CYP2A7: variants seen among roughly 807,000 people sequenced by gnomAD.
The protein encoded by CYP2A7 is cytochrome P450 family 2 subfamily A member 7.
In CYP2A7, 36 loss-of-function variants were observed where a neutral mutation model predicts 42.0. The ratio of observed to expected loss-of-function variants is 0.86; its 90% confidence interval spans 0.66 to 1.13. The LOEUF (loss-of-function observed/expected upper bound fraction) is 1.13. Ranked by LOEUF, CYP2A7 falls within the 50% of genes most tolerant of loss-of-function variation. The probability of loss-of-function intolerance (pLI) is 0.00; values close to 1 mark genes in which losing one functional copy is unlikely to be tolerated. For missense variants in CYP2A7, 661 were observed against 634.1 expected (o/e 1.04, Z -0.46); for synonymous variants, 260 against 249.5 (o/e 1.04, Z -0.40).
chr19:40,880,431 C>T, intron 3 of CYP2A7, 48 bp downstream of exon 3: 2 of 1,598,244 alleles, frequency 1.3e-6, no homozygotes, highest in Non-Finnish European at 1.7e-6. Context: ...GTTCCTCGTC[C>T]TGGGTGTTTT....
intron 3 of CYP2A7, 52 bp downstream of exon 3, chr19:40,880,427 C>T (rs1967629655): frequency 6.3e-7 from 1 of 1,592,168 alleles, no homozygotes; most frequent in Non-Finnish European, 8.6e-7. Flanking sequence ...GCGGGTTCCT[C>T]GTCCTGGGTG....
chr19:40,880,849 GA>G (rs1967661873), intron 2 of CYP2A7, among the ~76,000 whole-genome samples: 3 of 102,144 alleles, frequency 2.9e-5, no homozygotes, highest in Non-Finnish European at 4.3e-5. Flanking sequence ...GAGAGAGAGA[GA>G]GAGAGAGAGA....
At chr19:40,876,480 G>T (rs774910012) in intron 8 of CYP2A7, 47 bp downstream of exon 8, 7 of 1,611,658 alleles carry the variant, frequency 4.3e-6, no homozygotes, top group Non-Finnish European at 5.9e-6. Context: ...TGAGGGAGGC[G>T]CCTGCTGGTG....
At chr19:40,880,800 A>G (rs1252718243) in intron 2 of CYP2A7, among the ~76,000 whole-genome samples, 172 bp from the exon 3 acceptor site, 362 of 1,898 alleles carry the variant, frequency 0.19, 13 homozygotes, top group Non-Finnish European at 0.27. Context: ...AACACGAGGG[A>G]GAGAGAGAGA....
At chr19:40,879,557 TTG>T (rs1967608113) in intron 4 of CYP2A7, among the ~76,000 whole-genome samples, 1 of 151,620 alleles carries the variant, frequency 6.6e-6, no homozygotes. Context: ...GTCTAGATAT[TTG>T]TGTGTTTAAG....
At position 40,875,745 on chromosome 19, in the gene CYP2A7, A is replaced by G. The variant is rs1233534628; in HGVS notation, c.1433T>C (p.Val478Ala). 1 of 1,608,376 alleles carries G rather than the reference A, an allele frequency of 6.2e-7. No homozygotes were observed. The highest frequency in any genetic ancestry group is 1.3e-5 in the African/African-American group (1 of 74,620). The change falls in exon 9 of 9, where the codon GTG becomes GCG. Residue 478 changes from valine (V) to alanine (A), a missense_variant. Around this residue, in one of 3 missense-constraint regions of CYP2A7, gnomAD observed 25 missense variants for 62.4 expected, o/e 0.40. Coordinates refer to ENST00000301146, the MANE Select transcript of CYP2A7 (RefSeq NM_000764.3). ...GTTTCGTGGGATCGTGGCAAAGACC[A>G]CGTGTTTGGGGGACACGTCAATGTC... ...PKDIDVSPKH[V>A]VFATIPRNYT...
chr19:40,880,755 CCAGTGCCCAGG>C, intron 2 of CYP2A7, 127 bp from the exon 3 acceptor site: 1 of 521,058 alleles, frequency 1.9e-6, no homozygotes, highest in South Asian at 2.7e-5. Flanking sequence ...GGATTCAGTG[CCAGTGCCCAGG>C]ACAGGTGCAA....
rs745446161 is a variant in CYP2A7 at position 40,877,171 on chromosome 19, G to A, written c.1161+19C>T. 6.2e-7 allele frequency: 1 copy of A among 1,611,270 alleles called. No individual in the cohort carries two copies. ...AGGGCTGGAAGTCCCCGTAGTCTAG[G>A]GGGTGGGGAGGATAGCACCTTAGGG... is the stretch of plus-strand genomic sequence containing the variant. On this transcript the variant is annotated intron_variant, in intron 7 of 8. Transcript: ENST00000301146.
At chr19:40,879,202 C>T (rs2145148870) in intron 4 of CYP2A7, among the ~76,000 whole-genome samples, 1 of 151,800 alleles carries the variant, frequency 6.6e-6, no homozygotes, top group African/African-American at 2.4e-5. Context: ...GATTGGAGCA[C>T]ACATCTAGGT....
intron 5 of CYP2A7, 75 bp from the exon 6 acceptor site, chr19:40,878,068 T>A: frequency 6.6e-7 from 1 of 1,507,442 alleles, no homozygotes; most frequent in African/African-American, 1.4e-5. Context: ...TTCCTTTGGA[T>A]CTACCTCTCT....
intron 4 of CYP2A7, 22 bp downstream of exon 4, chr19:40,880,062 G>C: frequency 6.2e-7 from 1 of 1,610,774 alleles, no homozygotes; most frequent in Non-Finnish European, 8.5e-7. Context: ...GGGGCGTCAC[G>C]GGCCGGGCTG....
At chr19:40,878,545 G>A (rs1412520099) in intron 5 of CYP2A7, among the ~76,000 whole-genome samples, 2 of 151,818 alleles carry the variant, frequency 1.3e-5, no homozygotes, top group Admixed American at 6.6e-5. Context: ...ATGTTGGCCA[G>A]GCTGGTCTTG....
chr19:40,875,797 G>A lies in CYP2A7; in HGVS notation c.1381C>T (p.Arg461Cys). The A allele has an allele frequency of 6.2e-7, 1 of 1,601,244 alleles. No individual in the cohort carries two copies. The highest frequency in any genetic ancestry group is 2.2e-5 in the East Asian group (1 of 44,706). The change falls in exon 9 of 9, where the codon CGC (arginine) becomes TGC (cysteine). Residue 461 changes from arginine (R) to cysteine (C), a missense_variant. Physicochemically the swap from Arg to Cys is radical, Grantham distance 180. Coordinates refer to ENST00000301146, the MANE Select transcript of CYP2A7 (RefSeq NM_000764.3). ...LFFTTVMQNFRLKSSQSPKDI... is the reference protein window; with the variant it reads ...LFFTTVMQNFCLKSSQSPKDI... ...TTAGGTGACTGGGAGGACTTGAGGC[G>A]GAAGTTCTGCATGACGGTGGTGAAG...
chr19:40,876,741 G>A, intron 7 of CYP2A7, 73 bp from the exon 8 acceptor site: 1 of 1,536,238 alleles, frequency 6.5e-7, no homozygotes. Flanking sequence ...GGGCTGGAGG[G>A]GGAACTAGTG....
Position 40,877,360 on chromosome 19 carries a change from T to A in CYP2A7, c.991A>T (p.Ile331Phe). 1 of 1,612,404 alleles carries A rather than the reference T, an allele frequency of 6.2e-7. No homozygotes were observed. Among genetic ancestry groups the A allele is most frequent in the African/African-American group, 1.3e-5 (1 of 74,912 alleles). Residue 331 changes from isoleucine (I) to phenylalanine (F), a missense_variant, in exon 7 of 9, where the codon ATT becomes TTT. By Grantham distance (21) the Ile-to-Phe change is conservative (BLOSUM62 0). This residue lies in a region of CYP2A7 where 614 missense variants were observed against 552.4 expected (regional missense o/e 1.11). Transcript: ENST00000301146. ...PEVEAKVHEE[I>F]DRVIGKNRQP... Reference sequence around the variant, plus strand: ...CGGTTCTTGCCGATCACTCTGTCAATCTCCTCATGGACCTTGGCTGGGGGA... The same window carrying A: ...CGGTTCTTGCCGATCACTCTGTCAAACTCCTCATGGACCTTGGCTGGGGGA...
At chr19:40,880,798 GGAGAGAGAGAGAGAGAGAGAGAGA>G (rs1171374070) in intron 2 of CYP2A7, among the ~76,000 whole-genome samples, 170 bp from the exon 3 acceptor site, 2 of 27,444 alleles carry the variant, frequency 7.3e-5, no homozygotes, top group African/African-American at 1.6e-4. Context: ...GAAACACGAG[GGAGAGAGAGAGAGAGAGAGAGAGA>G]GAGAGAGAGA....
rs964808710 is a variant in CYP2A7 at position 40,876,880 on chromosome 19, G to T, written c.1162-212C>A. 3 of 735,572 alleles carry T rather than the reference G, an allele frequency of 4.1e-6. 1 individual carries two copies. Among genetic ancestry groups the T allele is most frequent in the Non-Finnish European group, 6.5e-6 (3 of 458,482 alleles). The allele number at this position is 735,572 out of a possible 1,614,324, so 45.6% of individuals were successfully genotyped here. ...AGACATGGGGTCCATGTCTTGCTACGCAGGTTGTTTGGGGGACCTGAAATT... is the reference window on the plus strand; with the variant it reads ...AGACATGGGGTCCATGTCTTGCTACTCAGGTTGTTTGGGGGACCTGAAATT... On this transcript the variant is annotated intron_variant, in intron 7 of 8. Coordinates refer to ENST00000301146, the MANE Select transcript of CYP2A7 (RefSeq NM_000764.3).
Position 40,877,219 on chromosome 19 carries a change from T to C in CYP2A7, c.1132A>G (p.Thr378Ala), listed in dbSNP as rs2145146034. 6.2e-7 allele frequency: 1 copy of C among 1,612,598 alleles called. No individual in the cohort carries two copies. Among genetic ancestry groups the C allele is most frequent in the East Asian group, 2.2e-5 (1 of 44,850 alleles). ...GGGAGGAAAAAATCCCGAAACTTGG[T>C]GTCCTTTTTAACCCTGCGGGCCAAA... ...MSLARRVKKD[T>A]KFRDFFLPKG... Residue 378 changes from threonine to alanine, a missense_variant, in exon 7 of 9, where the codon ACC becomes GCC. By Grantham distance (58) the Thr-to-Ala change is moderately conservative. Around this residue, in one of 3 missense-constraint regions of CYP2A7, gnomAD observed 614 missense variants for 552.4 expected, o/e 1.11. Coordinates refer to ENST00000301146, the MANE Select transcript of CYP2A7 (RefSeq NM_000764.3).
rs1599794628 is a variant in CYP2A7 at position 40,880,733 on chromosome 19, T to C, written c.344-105A>G. 2.5e-5 allele frequency: 30 copies of C among 1,198,200 alleles called. No individual in the cohort carries two copies. The East Asian group carries it at 8.4e-4, about 33-fold the overall frequency. The allele number at this position is 1,198,200 out of a possible 1,614,324, so 74.2% of individuals were successfully genotyped here. ...AGGGTGGAGCAGAGGGGTAGTGGGG[T>C]GGGAGAGAGATGGATTCAGTGCCAG... On this transcript the variant is annotated intron_variant, in intron 2 of 8. Coordinates refer to ENST00000301146, the MANE Select transcript of CYP2A7 (RefSeq NM_000764.3).
Sources: allele counts gnomAD v4.1 joint callset (sites outside exome capture counted in the v4.1 genomes callset), GRCh38; gene constraint gnomAD v4.1.1; regional missense constraint gnomAD v4.1.1; transcripts MANE v1.5; gene names NCBI Gene and HGNC (gene_info 2026-07-23, HGNC 2026-07-21).